MTCL3: variants seen among roughly 807,000 people sequenced by gnomAD.
MTCL3 encodes the protein microtubule cross-linking factor 3.
chr6:127,507,765 C>T, the MTCL3 span, among the ~76,000 whole-genome samples: 3 of 146,156 alleles, frequency 2.1e-5, no homozygotes, highest in African/African-American at 7.6e-5. Context: ...ATGGCGAGAA[C>T]CCAGGAAGTG....
At chr6:127,505,985 G>A in the MTCL3 span, among the ~76,000 whole-genome samples, 1 of 152,236 alleles carries the variant, frequency 6.6e-6, no homozygotes, top group East Asian at 1.9e-4. Flanking sequence ...AGTAGAAAAT[G>A]ATATATTTAT....
At chr6:127,514,901 G>C in the MTCL3 span, 5 of 1,614,182 alleles carry the variant, frequency 3.1e-6, no homozygotes, top group Admixed American at 3.3e-5. Context: ...TTTTGCGCTC[G>C]GCTTTGCGGA....
At chr6:127,515,150 G>T in the MTCL3 span, 1 of 1,052,118 alleles carries the variant, frequency 9.5e-7, no homozygotes, top group Non-Finnish European at 1.4e-6. The surrounding 1 kb of genome is among the most constrained non-coding windows in gnomAD (Gnocchi z 4.3). Context: ...AGCTTTAATT[G>T]CCCTCTCTCT....
the MTCL3 span, among the ~76,000 whole-genome samples, chr6:127,488,851 A>C: frequency 6.6e-6 from 1 of 152,214 alleles, no homozygotes; most frequent in African/African-American, 2.4e-5. Context: ...TAAGTACAAC[A>C]ATAAAAAATA....
the MTCL3 span, among the ~76,000 whole-genome samples, chr6:127,517,255 C>T: frequency 6.6e-6 from 1 of 152,102 alleles, no homozygotes; most frequent in African/African-American, 2.4e-5. Context: ...CCAGGCAGCT[C>T]CAACCCTTAA....
chr6:127,474,805 C>T, the MTCL3 span, among the ~76,000 whole-genome samples: 1 of 152,136 alleles, frequency 6.6e-6, no homozygotes, highest in Non-Finnish European at 1.5e-5. Flanking sequence ...ACTCGAACTC[C>T]TGAGCTCAAG....
the MTCL3 span, chr6:127,475,288 T>A: frequency 1.3e-6 from 2 of 1,596,060 alleles, no homozygotes; most frequent in Admixed American, 1.7e-5. This position sits in a 1 kb window ranked among gnomAD's most constrained non-coding sequence, Gnocchi z 7.3. Context: ...TAGGCAGAAC[T>A]GTACCTGACT....
chr6:127,481,897 G>A, the MTCL3 span, among the ~76,000 whole-genome samples: 1 of 152,242 alleles, frequency 6.6e-6, no homozygotes, highest in East Asian at 1.9e-4. Context: ...CTGATGAAAC[G>A]CATTCCAGTA....
chr6:127,474,599 A>G, the MTCL3 span, among the ~76,000 whole-genome samples: 2 of 151,812 alleles, frequency 1.3e-5, no homozygotes. Context: ...CTTTTTTTTG[A>G]GACAGGGTTT....
At chr6:127,502,988 G>A in the MTCL3 span, among the ~76,000 whole-genome samples, 1 of 152,146 alleles carries the variant, frequency 6.6e-6, no homozygotes, top group Non-Finnish European at 1.5e-5. Flanking sequence ...AGATAAAATA[G>A]ATTTTTCCCT....
At chr6:127,490,908 A>C in the MTCL3 span, among the ~76,000 whole-genome samples, 3 of 152,210 alleles carry the variant, frequency 2.0e-5, no homozygotes, top group South Asian at 4.1e-4. Flanking sequence ...GTTTGGAAGA[A>C]GTTGATTCCA....
chr6:127,480,845 A>G, the MTCL3 span, among the ~76,000 whole-genome samples: 2 of 152,230 alleles, frequency 1.3e-5, no homozygotes, highest in Non-Finnish European at 2.9e-5. Context: ...TATAATTGAG[A>G]TATCCCATCA....
At chr6:127,511,177 C>T in the MTCL3 span, among the ~76,000 whole-genome samples, 1 of 152,318 alleles carries the variant, frequency 6.6e-6, no homozygotes, top group East Asian at 1.9e-4. Flanking sequence ...ATCCTGCCTT[C>T]GCAGCCCTCA....
At chr6:127,515,559 C>T in the MTCL3 span, 1 of 1,470,462 alleles carries the variant, frequency 6.8e-7, no homozygotes, top group Non-Finnish European at 8.9e-7. The surrounding 1 kb of genome is among the most constrained non-coding windows in gnomAD (Gnocchi z 4.3). Flanking sequence ...TCTCCTCTTG[C>T]ATTTCTTCCT....
At chr6:127,496,781 G>T in the MTCL3 span, among the ~76,000 whole-genome samples, 1 of 152,164 alleles carries the variant, frequency 6.6e-6, no homozygotes, top group African/African-American at 2.4e-5. Flanking sequence ...TGACACAGAT[G>T]AATGAATAGA....
At chr6:127,514,789 CT>C in the MTCL3 span, 1 of 1,584,300 alleles carries the variant, frequency 6.3e-7, no homozygotes, top group Non-Finnish European at 8.6e-7. Context: ...CCCACCGCCC[CT>C]GCCGCGCGCC....
the MTCL3 span, among the ~76,000 whole-genome samples, chr6:127,499,387 T>A: frequency 1.3e-5 from 2 of 152,086 alleles, no homozygotes; most frequent in Non-Finnish European, 2.9e-5. Context: ...AGAAAATTGA[T>A]TCCATAATAT....
chr6:127,475,954 C>G, the MTCL3 span: 2 of 1,611,964 alleles, frequency 1.2e-6, no homozygotes, highest in Non-Finnish European at 1.7e-6. The surrounding 1 kb of genome is among the most constrained non-coding windows in gnomAD (Gnocchi z 7.3). Context: ...GTCGTGGTGC[C>G]GCGCGCTGTC....
the MTCL3 span, among the ~76,000 whole-genome samples, chr6:127,496,588 T>C: frequency 6.6e-6 from 1 of 152,236 alleles, no homozygotes; most frequent in South Asian, 2.1e-4. Context: ...TCAAGAGAAA[T>C]AAAAACATAT....
Sources: gnomAD v4.1 joint callset for allele counts (sites outside exome capture counted in the v4.1 genomes callset) on GRCh38, gnomAD v4.1.1 for gene constraint, Gnocchi (gnomAD v3.1) non-coding constraint, MANE v1.5 for transcripts, NCBI Gene and HGNC (gene_info 2026-07-23, HGNC 2026-07-21) for gene names.